SNX16: variants seen among roughly 807,000 people sequenced by gnomAD.
SNX16 encodes sorting nexin-16.
SNX16 carries 35 observed loss-of-function variants against 36.7 expected under a neutral mutation model. The ratio of observed to expected loss-of-function variants is 0.95; its 90% CI spans 0.73 to 1.27. The LOEUF is 1.27. SNX16 is among the 50% of genes most tolerant of loss of function. The pLI is 0.00. For synonymous variants in SNX16, 134 were observed against 132.0 expected (o/e 1.02, Z -0.10); for missense variants, 367 against 393.6 (o/e 0.93, Z 0.57).
chr8:81,814,772 A>G (rs1810404817), intron 5 of SNX16: 1 of 152,130 alleles, frequency 6.6e-6, no homozygotes, highest in African/African-American at 2.4e-5. Flanking sequence ...AAATGCCATT[A>G]AACATTTGGG....
At chr8:81,821,170 A>G (rs1810725383) in intron 4 of SNX16, among the ~76,000 whole-genome samples, 1 of 150,966 alleles carries the variant, frequency 6.6e-6, no homozygotes. Flanking sequence ...AGGGATATCA[A>G]ATGAAACCTT....
At chr8:81,803,653 T>TA (rs1197676979) in intron 5 of SNX16, among the ~76,000 whole-genome samples, 1 of 152,056 alleles carries the variant, frequency 6.6e-6, no homozygotes, top group Non-Finnish European at 1.5e-5. Flanking sequence ...TCAGTAGACA[T>TA]ACTACTGTAA....
Position 81,815,326 on chromosome 8 carries a change from C to T in SNX16, c.680G>A (p.Arg227Lys). The T allele has an allele frequency of 6.2e-7, 1 of 1,611,050 alleles. No homozygotes were observed. The highest frequency in any genetic ancestry group is 2.2e-5 in the East Asian group (1 of 44,716). Residue 227 changes from arginine to lysine, a missense_variant and splice_region_variant, in exon 5 of 8, where the codon AGG becomes AAG. Arg to Lys is a conservative substitution (Grantham distance 26, BLOSUM62 2). Coordinates refer to ENST00000345957, the MANE Select transcript of SNX16 (RefSeq NM_152836.3). ...TGTGCTATATAATACAGCACTTACC[C>T]TGCTTTCTTCTAGGCTATCAAATGG... is the stretch of plus-strand genomic sequence containing the variant. The part of the protein sequence containing the change: ...PGPFDSLEES[R>K]AFCETLEETN...
rs1810897392 is a variant in SNX16 at position 81,824,029 on chromosome 8, CATGAA to C, written c.463-94_463-90del. The C allele has an allele frequency of 3.4e-6, 4 of 1,190,528 alleles. No homozygotes were observed. In the East Asian group the frequency reaches 7.8e-5, roughly 23 times the overall value. The allele number at this position is 1,190,528 out of a possible 1,614,324, so 73.7% of individuals were successfully genotyped here. On this transcript the variant is annotated intron_variant, in intron 3 of 7. Coordinates refer to ENST00000345957, the MANE Select transcript of SNX16 (RefSeq NM_152836.3). ...ATCCTGTTGACTACATGAAATTATTCATGAAATAAGTTTAAAATAAAAGAATTAAA... is the reference window on the plus strand; with the variant it reads ...ATCCTGTTGACTACATGAAATTATTCATAAGTTTAAAATAAAAGAATTAAA...
Position 81,831,523 on chromosome 8 carries a change from C to T in SNX16, c.376-2007G>A, listed in dbSNP as rs182833640. Among the ~76,000 whole-genome samples the T allele has an allele frequency of 1.3e-4, 20 of 151,692 alleles. No homozygotes were observed. The East Asian group carries it at 3.7e-3, about 28-fold the overall frequency. On this transcript the variant is annotated intron_variant, in intron 2 of 7. Coordinates refer to ENST00000345957, the MANE Select transcript of SNX16 (RefSeq NM_152836.3). ...GCCTGGTCAACATGGTATGGTGAAA[C>T]CCCGCCTCTACTAAAAATACAAAAA...
chr8:81,834,473 GTC>G (rs1395843857), intron 2 of SNX16, among the ~76,000 whole-genome samples: 2 of 152,038 alleles, frequency 1.3e-5, no homozygotes, highest in Non-Finnish European at 2.9e-5. Flanking sequence ...TAACTCAAAA[GTC>G]CACAGTCCAA....
At chr8:81,822,474 A>G (rs1022996834) in intron 4 of SNX16, among the ~76,000 whole-genome samples, 18 of 152,038 alleles carry the variant, frequency 1.2e-4, no homozygotes, top group Admixed American at 1.3e-4. Flanking sequence ...CTGCATCACA[A>G]AGATCACTGT....
At chr8:81,831,283 T>C (rs1948053689) in intron 2 of SNX16, among the ~76,000 whole-genome samples, 1 of 152,078 alleles carries the variant, frequency 6.6e-6, no homozygotes, top group Admixed American at 6.5e-5. Flanking sequence ...TAAAATAAAG[T>C]TTCTGCACAG....
At chr8:81,805,990 C>T (rs1480490294) in intron 5 of SNX16, among the ~76,000 whole-genome samples, 1 of 152,086 alleles carries the variant, frequency 6.6e-6, no homozygotes, top group African/African-American at 2.4e-5. Context: ...AATACAGATT[C>T]TCAAAACTGA....
At chr8:81,804,022 T>C (rs1281986411) in intron 5 of SNX16, among the ~76,000 whole-genome samples, 1 of 151,742 alleles carries the variant, frequency 6.6e-6, no homozygotes, top group Non-Finnish European at 1.5e-5. Flanking sequence ...AATAGATCTC[T>C]AAAACACCAG....
At chr8:81,806,678 C>T (rs1385115225) in intron 5 of SNX16, among the ~76,000 whole-genome samples, 1 of 151,716 alleles carries the variant, frequency 6.6e-6, no homozygotes, top group Non-Finnish European at 1.5e-5. Flanking sequence ...ATCTATCTAG[C>T]AAAATAATAC....
intron 3 of SNX16, among the ~76,000 whole-genome samples, chr8:81,825,694 A>C (rs1208070027): frequency 2.0e-5 from 3 of 152,218 alleles, no homozygotes; most frequent in Non-Finnish European, 2.9e-5. Context: ...TTCTATACTT[A>C]AATATAAAAT....
intron 2 of SNX16, among the ~76,000 whole-genome samples, chr8:81,833,399 T>TA (rs150120476): frequency 0.24 from 36,743 of 150,816 alleles, 4,874 homozygotes; most frequent in East Asian, 0.37. Context: ...CTTTGAAGTT[T>TA]AAAAAAATAA....
chr8:81,800,789 T>C lies in SNX16; in HGVS notation c.*708A>G, dbSNP rs539603200. ...AATCTAGGTAGAGATAAAGATTACGTGGAAACTAAACAAATGTAACATATT... is the reference window on the plus strand; with the variant it reads ...AATCTAGGTAGAGATAAAGATTACGCGGAAACTAAACAAATGTAACATATT... On this transcript the variant is annotated 3_prime_UTR_variant, in exon 8 of 8. Transcript: ENST00000345957. 2 of 152,268 alleles carry C rather than the reference T, an allele frequency of 1.3e-5. No individual in the cohort carries two copies. The highest frequency in any genetic ancestry group is 3.9e-4 in the East Asian group (2 of 5,182). The allele number at this position is 152,268 out of a possible 1,614,324, so 9.4% of individuals were successfully genotyped here. A position where few individuals can be genotyped will look rare whatever the true frequency, so the allele number is the denominator to read the frequency against.
Position 81,799,841 on chromosome 8 carries a change from T to A in SNX16, c.*1656A>T, listed in dbSNP as rs1809605035. Reference sequence around the variant, plus strand: ...ATCTGTTATATAAGATACAGAATGGTACTGATTAAATGATTGTTCTTTTTA... The same window carrying A: ...ATCTGTTATATAAGATACAGAATGGAACTGATTAAATGATTGTTCTTTTTA... On this transcript the variant is annotated 3_prime_UTR_variant, in exon 8 of 8. Transcript: ENST00000345957. The A allele has an allele frequency of 6.6e-6, 1 of 151,884 alleles. No individual in the cohort carries two copies. The highest frequency in any genetic ancestry group is 1.9e-4 in the East Asian group (1 of 5,204). The allele number at this position is 151,884 out of a possible 1,614,324, so 9.4% of individuals were successfully genotyped here.
In SNX16 at chr8:81,800,146, C is replaced by T. The variant is rs754822980; in HGVS notation, c.*1351G>A. ...TTAATATATATATACATCAAGATACCGATAAACTTTTAGATAGTAAAGAAA... is the reference window on the plus strand; with the variant it reads ...TTAATATATATATACATCAAGATACTGATAAACTTTTAGATAGTAAAGAAA... On this transcript the variant is annotated 3_prime_UTR_variant, in exon 8 of 8. Coordinates refer to ENST00000345957, the MANE Select transcript of SNX16 (RefSeq NM_152836.3). 5 of 151,588 alleles carry T rather than the reference C, an allele frequency of 3.3e-5. No homozygotes were observed. Among genetic ancestry groups the T allele is most frequent in the Non-Finnish European group, 5.9e-5 (4 of 67,634 alleles). The allele number at this position is 151,588 out of a possible 1,614,324, so 9.4% of individuals were successfully genotyped here. A position where few individuals can be genotyped will look rare whatever the true frequency, so the allele number is the denominator to read the frequency against.
intron 5 of SNX16, among the ~76,000 whole-genome samples, chr8:81,811,314 TG>T (rs1802576002): frequency 6.6e-6 from 1 of 152,154 alleles, no homozygotes; most frequent in Non-Finnish European, 1.5e-5. Context: ...CCACATATCC[TG>T]GGACCCAAGC....
At chr8:81,814,501 T>C (rs574644454) in intron 5 of SNX16, 1 of 152,162 alleles carries the variant, frequency 6.6e-6, no homozygotes, top group South Asian at 2.1e-4. Flanking sequence ...CAAAATGGCT[T>C]ATAGGAATTC....
intron 2 of SNX16, among the ~76,000 whole-genome samples, chr8:81,833,781 C>T (rs1033828381): frequency 1.3e-5 from 2 of 152,120 alleles, no homozygotes; most frequent in Non-Finnish European, 2.9e-5. Context: ...CTAGAAAGTG[C>T]TTTCTACTTG....
Sources: gnomAD v4.1 joint callset for allele counts (sites outside exome capture counted in the v4.1 genomes callset) on GRCh38, gnomAD v4.1.1 for gene constraint, MANE v1.5 for transcripts, NCBI Gene and HGNC (gene_info 2026-07-23, HGNC 2026-07-21) for gene names.